Variants in NLGN1 observed in about 807,000 individuals in gnomAD.
NLGN1 encodes neuroligin 1, also known as neuroligin-1.
A neutral mutation model predicts 65.5 loss-of-function variants in NLGN1; 12 were observed. That is an observed-to-expected ratio of 0.18 (90% CI 0.12 to 0.30). The LOEUF (loss-of-function observed/expected upper bound fraction) is 0.30. Ranked by LOEUF, NLGN1 falls within the 10% of genes least tolerant of loss-of-function variation. The pLI, the probability that NLGN1 is intolerant of heterozygous loss-of-function variation, is 1.00. For synonymous variants in NLGN1, 350 were observed against 359.5 expected, an observed-to-expected ratio of 0.97 and a Z score of 0.30; for missense variants, 750 against 1,007.1, an observed-to-expected ratio of 0.74 and a Z score of 3.46.
At chr3:173,907,714 A>T (rs1223634877) in intron 4 of NLGN1, among the ~76,000 whole-genome samples, 1 of 150,872 alleles carries the variant, frequency 6.6e-6, no homozygotes, top group African/African-American at 2.4e-5. Flanking sequence ...CCTCCTGAGT[A>T]GCTGGGATTA....
At chr3:174,046,461 C>A (rs184612171) in intron 4 of NLGN1, among the ~76,000 whole-genome samples, 6 of 151,936 alleles carry the variant, frequency 3.9e-5, no homozygotes, top group Admixed American at 3.9e-4. Flanking sequence ...CTGTGAAGAG[C>A]TTCTGGGATT....
intron 1 of NLGN1, among the ~76,000 whole-genome samples, chr3:173,412,329 CA>C (rs1560215633): frequency 1.3e-5 from 2 of 151,990 alleles, no homozygotes; most frequent in African/African-American, 4.8e-5. Flanking sequence ...CACACACACA[CA>C]CACACACACA....
At chr3:173,539,739 T>TAC (rs1738359011) in intron 2 of NLGN1, among the ~76,000 whole-genome samples, 3 of 128,736 alleles carry the variant, frequency 2.3e-5, no homozygotes, top group South Asian at 4.9e-4. Context: ...TATATACATA[T>TAC]ATGTACATAT....
chr3:174,193,672 C>A (rs1732807363), intron 4 of NLGN1, among the ~76,000 whole-genome samples: 1 of 152,106 alleles, frequency 6.6e-6, no homozygotes, highest in South Asian at 2.1e-4. Context: ...CAAAGTAGTG[C>A]AGATGGCCAT....
At chr3:173,516,464 A>G (rs749550394) in intron 2 of NLGN1, among the ~76,000 whole-genome samples, 2 of 152,064 alleles carry the variant, frequency 1.3e-5, no homozygotes, top group Non-Finnish European at 2.9e-5. Context: ...TTTTTGTATC[A>G]GCTAATGGTA....
intron 4 of NLGN1, among the ~76,000 whole-genome samples, chr3:173,991,518 G>A (rs1326926045): frequency 6.6e-6 from 1 of 152,114 alleles, no homozygotes; most frequent in Non-Finnish European, 1.5e-5. Flanking sequence ...AGCCACACGT[G>A]TCTATTGAGC....
In NLGN1 at chr3:173,576,808, A is replaced by T. The variant is rs1577354259; in HGVS notation, c.-320-27471A>T. Among the ~76,000 whole-genome samples the T allele has an allele frequency of 2.6e-5, 4 of 152,286 alleles. No individual in the cohort carries two copies. In the South Asian group the frequency reaches 8.3e-4, roughly 32 times the overall value. ...CATCTGTGGCGGGGGAGGGTGGTGG[A>T]GGGTATTATTCCAATTACCGTATTA... is the stretch of plus-strand genomic sequence containing the variant. On this transcript the variant is annotated intron_variant, in intron 2 of 6. Coordinates refer to ENST00000457714, the Ensembl canonical transcript of NLGN1.
chr3:174,210,371 A>G (rs980684979), intron 4 of NLGN1, among the ~76,000 whole-genome samples: 1 of 152,246 alleles, frequency 6.6e-6, no homozygotes, highest in Non-Finnish European at 1.5e-5. Context: ...ACCTTCAGGT[A>G]TATCTGGCAC....
chr3:174,291,879 C>T, the NLGN1 span, among the ~76,000 whole-genome samples: 3 of 150,994 alleles, frequency 2.0e-5, no homozygotes, highest in Middle Eastern at 3.2e-3. Context: ...GTTACATGTT[C>T]TGATAATGAA....
chr3:174,069,404 G>A (rs932307430), intron 4 of NLGN1, among the ~76,000 whole-genome samples: 3 of 152,132 alleles, frequency 2.0e-5, no homozygotes, highest in Non-Finnish European at 4.4e-5. Flanking sequence ...GAGAGAGGAG[G>A]CCAGATGAAG....
chr3:174,049,481 C>G (rs1400546577), intron 4 of NLGN1, among the ~76,000 whole-genome samples: 3 of 151,928 alleles, frequency 2.0e-5, no homozygotes, highest in Non-Finnish European at 2.9e-5. Flanking sequence ...GTGGCCTGAA[C>G]TGGAGAAGTC....
intron 4 of NLGN1, among the ~76,000 whole-genome samples, chr3:174,162,083 A>C (rs1186030202): frequency 6.6e-6 from 1 of 151,750 alleles, no homozygotes; most frequent in Non-Finnish European, 1.5e-5. Context: ...TACAGCCAAA[A>C]CTAGTTTTGG....
intron 4 of NLGN1, among the ~76,000 whole-genome samples, chr3:173,950,299 A>G (rs1343019889): frequency 1.3e-5 from 2 of 152,206 alleles, no homozygotes; most frequent in Admixed American, 6.5e-5. Flanking sequence ...ACATAAAAAT[A>G]TATTTACTAG....
chr3:173,798,570 C>T (rs1486149065), intron 3 of NLGN1, among the ~76,000 whole-genome samples: 1 of 152,022 alleles, frequency 6.6e-6, no homozygotes, highest in Non-Finnish European at 1.5e-5. Context: ...TAAACAGGGT[C>T]ATGTTAAATA....
chr3:174,085,679 A>C (rs1045564706), intron 4 of NLGN1, among the ~76,000 whole-genome samples: 3 of 148,218 alleles, frequency 2.0e-5, no homozygotes. Flanking sequence ...AAGAAAGTGG[A>C]TATGTTTTTC....
intron 3 of NLGN1, among the ~76,000 whole-genome samples, chr3:173,668,041 A>G (rs551601587): frequency 3.9e-5 from 6 of 152,316 alleles, no homozygotes; most frequent in African/African-American, 1.2e-4. Context: ...TTTATCTTCA[A>G]TTGAAGGCAC....
intron 4 of NLGN1, among the ~76,000 whole-genome samples, chr3:173,941,297 G>A (rs1267032637): frequency 2.6e-5 from 4 of 151,932 alleles, no homozygotes. Context: ...TTCACAACAC[G>A]TGACAAACAC....
chr3:174,279,363 GAC>G lies in NLGN1; in HGVS notation c.1364_1365del (p.Thr455IlefsTer47). 6.2e-7 allele frequency: 1 copy of G among 1,613,198 alleles called. No homozygotes were observed. Among genetic ancestry groups the G allele is most frequent in the Non-Finnish European group, 8.5e-7 (1 of 1,179,536 alleles). On this transcript the variant is annotated frameshift_variant, in exon 6 of 7. Transcript: ENST00000457714. LOFTEE classifies it high-confidence loss of function. This position sits in a 1 kb window ranked among gnomAD's most constrained non-coding sequence, Gnocchi z 4.7. ...GTCATAACCCTGAAACCAGAAGAAA[GAC>G]ATTACTGGCTTTGTTTACGGACCAT... is the stretch of plus-strand genomic sequence containing the variant.
chr3:174,160,010 A>G (rs1056606206), intron 4 of NLGN1, among the ~76,000 whole-genome samples: 15 of 151,726 alleles, frequency 9.9e-5, no homozygotes, highest in Non-Finnish European at 8.9e-5. Context: ...TGCAAAATAG[A>G]CATTCCGTTT....
Sources: gnomAD v4.1 joint callset for allele counts (sites outside exome capture counted in the v4.1 genomes callset) on GRCh38, gnomAD v4.1.1 for gene constraint, Gnocchi (gnomAD v3.1) non-coding constraint, MANE v1.5 for transcripts, NCBI Gene and HGNC (gene_info 2026-07-23, HGNC 2026-07-21) for gene names.